Variants in MPP1 observed in about 807,000 individuals in gnomAD.
The protein encoded by MPP1 is MAGUK p55 scaffold protein 1.
Under a neutral mutation model 38.2 loss-of-function variants are expected in MPP1, and 6 were observed. The ratio of observed to expected loss-of-function variants is 0.16; its 90% confidence interval spans 0.09 to 0.31. MPP1 has a LOEUF of 0.31. MPP1 is among the 10% of genes least tolerant of loss of function. The probability of loss-of-function intolerance (pLI) is 1.00; values close to 1 mark genes in which losing one functional copy is unlikely to be tolerated. For missense variants in MPP1, 293 were observed against 368.9 expected, an observed-to-expected ratio of 0.79 and a Z score of 1.69; for synonymous variants, 153 against 146.3, an observed-to-expected ratio of 1.05 and a Z score of -0.33.
At chrX:154,790,407 T>C (rs1410497673) in intron 4 of MPP1, among the ~76,000 whole-genome samples, 1 of 109,199 alleles carries the variant, frequency 9.2e-6, no homozygotes, top group Non-Finnish European at 1.9e-5. Context: ...GGTGGGTACC[T>C]GTAATCCCAG....
intron 9 of MPP1, chrX:154,782,016 G>T (rs1482181607): frequency 2.9e-6 from 1 of 342,622 alleles, no homozygotes; most frequent in East Asian, 4.2e-5. Context: ...ATTTTTAAGG[G>T]GCAAAGCCTA....
At position 154,779,339 on chromosome X, in the gene MPP1, C is replaced by T. The variant is rs1557266341; in HGVS notation, c.1239G>A (p.Gln413=). The change falls in exon 12 of 12, where the codon CAG becomes CAA. Residue 413 remains glutamine (Q), a synonymous_variant. Coordinates refer to ENST00000369534, the MANE Select transcript of MPP1 (RefSeq NM_002436.4). ...TGGCCTCAGAGTCCTTCTGCAGCTG[C>T]TGCAGGGCTTCTGTCTGCAAAGAAG... ...TDQGTQTEAL[Q]QLQKDSEAIR... is the part of the protein sequence containing the mutation. 8.3e-7 allele frequency: 1 copy of T among 1,207,894 alleles called. No homozygotes were observed. The highest frequency in any genetic ancestry group is 1.7e-5 in the African/African-American group (1 of 57,739).
At chrX:154,789,911 C>T (rs781837992) in intron 5 of MPP1, 43 bp downstream of exon 5, 16 of 968,423 alleles carry the variant, frequency 1.7e-5, no homozygotes, top group Middle Eastern at 2.7e-4. Flanking sequence ...CAACATGGCC[C>T]GACTCCTGCC....
In MPP1 at chrX:154,799,664, A is replaced by C. The variant is rs1557268452; in HGVS notation, c.102+5608T>G. On this transcript the variant is annotated intron_variant, in intron 1 of 11. Transcript: ENST00000369534. The stretch of plus-strand genomic sequence containing the variant: ...CAGAGCTATGGCAGGCCTGCCCCTG[A>C]CCAGTGACAAGGCAGGGCGGAAGTG... 6 of 1,037,072 alleles carry C rather than the reference A, an allele frequency of 5.8e-6. No homozygotes were observed. The East Asian group carries it at 2.0e-4, about 35-fold the overall frequency. The allele number at this position is 1,037,072 out of a possible 1,213,427, so 85.5% of individuals were successfully genotyped here. A position where few individuals can be genotyped will look rare whatever the true frequency, so the allele number is the denominator to read the frequency against.
At chrX:154,784,890 AGATG>A (rs782740106) in intron 7 of MPP1, 157 bp downstream of exon 7, 1 of 529,635 alleles carries the variant, frequency 1.9e-6, no homozygotes, top group African/African-American at 2.3e-5. Context: ...AAGCTTGTGA[AGATG>A]GATTCAATAA....
intron 6 of MPP1, among the ~76,000 whole-genome samples, chrX:154,785,856 G>A (rs1177281132): frequency 8.9e-6 from 1 of 112,467 alleles, no homozygotes; most frequent in Non-Finnish European, 1.9e-5. Flanking sequence ...AGGACTCCAA[G>A]GAAATCCCAG....
chrX:154,801,771 AAAAAAAAAAAAAAAAC>A (rs1441742085), intron 1 of MPP1, among the ~76,000 whole-genome samples: 19 of 86,488 alleles, frequency 2.2e-4, no homozygotes, highest in East Asian at 6.8e-4. Flanking sequence ...AAAAAAAAAA[AAAAAAAAAAAAAAAAC>A]AAAAAACAGA....
intron 1 of MPP1, among the ~76,000 whole-genome samples, chrX:154,795,453 T>C (rs1367963117): frequency 9.0e-6 from 1 of 111,496 alleles, no homozygotes; most frequent in African/African-American, 3.3e-5. Flanking sequence ...AGAATGATTA[T>C]ATTCATATTT....
At chrX:154,802,368 G>C (rs2072276922) in intron 1 of MPP1, among the ~76,000 whole-genome samples, 1 of 111,829 alleles carries the variant, frequency 8.9e-6, no homozygotes, top group Non-Finnish European at 1.9e-5. Context: ...ACCACCAGCG[G>C]GGAGTAATGC....
intron 5 of MPP1, among the ~76,000 whole-genome samples, chrX:154,789,548 C>T (rs1376041191): frequency 8.9e-6 from 1 of 112,077 alleles, no homozygotes; most frequent in African/African-American, 3.2e-5. Flanking sequence ...CTTTGATGAT[C>T]GGTAAGATAA....
intron 6 of MPP1, among the ~76,000 whole-genome samples, 163 bp from the exon 7 acceptor site, chrX:154,785,320 C>T (rs1282878642): frequency 9.2e-6 from 1 of 108,351 alleles, no homozygotes; most frequent in African/African-American, 3.4e-5. Flanking sequence ...GCATCTTGCA[C>T]TGTGCCCTGC....
intron 1 of MPP1, among the ~76,000 whole-genome samples, chrX:154,796,192 G>A (rs964269012): frequency 9.2e-6 from 1 of 108,616 alleles, no homozygotes; most frequent in African/African-American, 3.4e-5. Context: ...GTGCAGTGGC[G>A]TGATCTCGGC....
At chrX:154,785,314 C>G (rs1362225997) in intron 6 of MPP1, among the ~76,000 whole-genome samples, 157 bp from the exon 7 acceptor site, 1 of 106,979 alleles carries the variant, frequency 9.3e-6, no homozygotes, top group East Asian at 3.0e-4. Context: ...TTTGGTGCAT[C>G]TTGCACTGTG....
chrX:154,795,246 C>T (rs781827459), intron 1 of MPP1, among the ~76,000 whole-genome samples: 60 of 112,057 alleles, frequency 5.4e-4, no homozygotes, highest in Admixed American at 5.0e-3. Flanking sequence ...ACTCACATGA[C>T]ACCAAGTCAT....
Position 154,792,289 on chromosome X carries a change from C to T in MPP1, c.103-4G>A, listed in dbSNP as rs12395689. ...TATTCAATGGATGCGATACAGCCTG[C>T]CAAGCCAAAACAACAAAGCAACGTA... On this transcript the variant is annotated splice_region_variant and splice_polypyrimidine_tract_variant and intron_variant, in intron 1 of 11. Coordinates refer to ENST00000369534, the MANE Select transcript of MPP1 (RefSeq NM_002436.4). 1.6e-3 allele frequency: 1,853 copies of T among 1,194,393 alleles called. 21 individuals are homozygous for T. The African/African-American group carries it at 0.029, about 19-fold the overall frequency.
intron 5 of MPP1, among the ~76,000 whole-genome samples, chrX:154,789,034 C>T (rs1400154806): frequency 8.9e-6 from 1 of 111,747 alleles, no homozygotes; most frequent in South Asian, 3.7e-4. Flanking sequence ...TGAGGAAACA[C>T]GCATGGTGAG....
intron 10 of MPP1, 70 bp downstream of exon 10, chrX:154,781,530 A>G: frequency 1.2e-5 from 13 of 1,106,421 alleles, no homozygotes; most frequent in Non-Finnish European, 1.6e-5. Context: ...GAAGATTCCC[A>G]AGGAGCACTG....
At chrX:154,787,537 T>C (rs1218849828) in intron 5 of MPP1, among the ~76,000 whole-genome samples, 9 of 112,172 alleles carry the variant, frequency 8.0e-5, no homozygotes, top group African/African-American at 2.3e-4. Context: ...ATTAAAATTC[T>C]TAGCAAACTT....
In MPP1 at chrX:154,783,447, T is replaced by G. The variant is rs1557266846; in HGVS notation, c.926A>C (p.Lys309Thr). The G allele has an allele frequency of 8.3e-7, 1 of 1,208,025 alleles. No homozygotes were observed. Among genetic ancestry groups the G allele is most frequent in the African/African-American group, 1.8e-5 (1 of 57,017 alleles). Residue 309 changes from lysine to threonine, a missense_variant, in exon 9 of 12, where the codon AAG becomes ACG. By Grantham distance (78) the Lys-to-Thr change is moderately conservative. Transcript: ENST00000369534. ...KNALLSQNPEKFVYPVPYTTR... is the reference protein window; with the variant it reads ...KNALLSQNPETFVYPVPYTTR... ...CTTACATGGGACAGGGTACACAAAC[T>G]TCTCCGGATTCTGGCTGAGCAGGGC...
Sources: allele counts gnomAD v4.1 joint callset (sites outside exome capture counted in the v4.1 genomes callset), GRCh38; gene constraint gnomAD v4.1.1; transcripts MANE v1.5; gene names NCBI Gene and HGNC (gene_info 2026-07-23, HGNC 2026-07-21).